ABCA1: variants seen among roughly 807,000 people sequenced by gnomAD.
ABCA1 encodes the protein phospholipid-transporting ATPase ABCA1.
ABCA1 carries 133 observed loss-of-function variants against 262.5 expected under a neutral mutation model. That is an observed-to-expected ratio of 0.51 (90% confidence interval 0.44 to 0.59). ABCA1 has a LOEUF of 0.59. Ranked by LOEUF, ABCA1 falls within the 20% of genes least tolerant of loss-of-function variation. ABCA1 has a pLI of 0.00. For missense variants in ABCA1, 2,452 were observed against 2,777.5 expected (o/e 0.88, Z 2.63); for synonymous variants, 1,022 against 1,043.5 (o/e 0.98, Z 0.40).
intron 1 of ABCA1, among the ~76,000 whole-genome samples, chr9:104,915,546 A>C (rs1841793364): frequency 6.6e-6 from 1 of 152,206 alleles, no homozygotes; most frequent in Admixed American, 6.5e-5. Flanking sequence ...TGACTACATG[A>C]ACTCTATTAT....
chr9:104,804,546 G>A (rs1253239560), intron 32 of ABCA1, 80 bp downstream of exon 32: 2 of 1,140,704 alleles, frequency 1.8e-6, no homozygotes, highest in African/African-American at 1.5e-5. Flanking sequence ...TTCCCCCACT[G>A]TTTCAGTCTG....
rs922111275 is a variant in ABCA1 at position 104,876,215 on chromosome 9, C to T, written c.421+6824G>A. 3.3e-5 allele frequency among the ~76,000 whole-genome samples: 5 copies of T among 152,274 alleles called. 1 individual carries two copies. The South Asian group carries it at 1.0e-3, about 32-fold the overall frequency. On this transcript the variant is annotated intron_variant, in intron 5 of 49. Coordinates refer to ENST00000374736, the MANE Select transcript of ABCA1 (RefSeq NM_005502.4). The stretch of plus-strand genomic sequence containing the variant: ...ACAAGTCTAGGAATTGTTTCCAGAC[C>T]AGCATAAGCAATGGCAAGGCTGAGG...
chr9:104,866,718 C>T (rs949674832), intron 5 of ABCA1, among the ~76,000 whole-genome samples: 3 of 152,168 alleles, frequency 2.0e-5, no homozygotes, highest in Non-Finnish European at 4.4e-5. Context: ...GAACTCCTGA[C>T]CTCAGGTGAT....
chr9:104,815,520 A>C (rs1428617086), intron 25 of ABCA1, among the ~76,000 whole-genome samples: 1 of 152,176 alleles, frequency 6.6e-6, no homozygotes, highest in African/African-American at 2.4e-5. Context: ...CAAACCCCTG[A>C]TTCTGAATCT....
chr9:104,811,601 A>C (rs1339747590), intron 28 of ABCA1, among the ~76,000 whole-genome samples: 1 of 152,216 alleles, frequency 6.6e-6, no homozygotes, highest in Non-Finnish European at 1.5e-5. Flanking sequence ...AGTTAACCCA[A>C]AACTCCTTCC....
rs1447576718 is a variant in ABCA1 at position 104,837,063 on chromosome 9, G to T, written c.1228C>A (p.His410Asn). The T allele has an allele frequency of 3.1e-6, 5 of 1,613,790 alleles. No individual in the cohort carries two copies. The highest frequency in any genetic ancestry group is 1.3e-5 in the African/African-American group (1 of 74,906). Reference protein sequence around the residue: ...NKTFQELAVFHDLEGMWEELS... With the variant: ...NKTFQELAVFNDLEGMWEELS... ...TCCTCCCACATGCCTTCCAGATCAT[G>T]GAACACAGCCAGTTCCTGGAAGGTC... is the stretch of plus-strand genomic sequence containing the variant. The change falls in exon 11 of 50, where the codon CAT becomes AAT. Residue 410 changes from histidine (H) to asparagine (N), a missense_variant. His to Asn is a moderately conservative substitution (Grantham distance 68). Transcript: ENST00000374736.
At chr9:104,915,920 C>A (rs1051957698) in intron 1 of ABCA1, among the ~76,000 whole-genome samples, 9 of 152,090 alleles carry the variant, frequency 5.9e-5, no homozygotes, top group Admixed American at 3.9e-4. Flanking sequence ...GGTCAGAGTG[C>A]CATGCCCTTC....
In ABCA1 at chr9:104,858,596, C is replaced by T. The variant is rs1397258040; in HGVS notation, c.646G>A (p.Gly216Ser). Reference sequence around the variant, plus strand: ...GCAGCCAGTTTCTCCCTTGGTAGGCCACAAAGCTCAGAAACTTCTTGGTCA... The same window carrying T: ...GCAGCCAGTTTCTCCCTTGGTAGGCTACAAAGCTCAGAAACTTCTTGGTCA... ...LGDQEVSELC[G>S]LPREKLAAAE... The change falls in exon 7 of 50, where the codon GGC becomes AGC. Residue 216 changes from glycine to serine, a missense_variant. Coordinates refer to ENST00000374736, the MANE Select transcript of ABCA1 (RefSeq NM_005502.4). 1 of 1,614,180 alleles carries T rather than the reference C, an allele frequency of 6.2e-7. No individual in the cohort carries two copies. Among genetic ancestry groups the T allele is most frequent in the Admixed American group, 1.7e-5 (1 of 60,014 alleles).
rs1397253857 is a variant in ABCA1, at chr9:104,819,794, G to A, written c.3104-71C>T. 63 of 1,612,390 alleles carry A rather than the reference G, an allele frequency of 3.9e-5. 1 individual carries two copies. The Middle Eastern group carries it at 1.7e-3, about 44-fold the overall frequency. On this transcript the variant is annotated intron_variant, in intron 21 of 49. Coordinates refer to ENST00000374736, the MANE Select transcript of ABCA1 (RefSeq NM_005502.4). ...AGTGAGTGAAGGCAGAGGACCTAGG[G>A]GCACAGCCAGGGACAAGTTTCTGTT...
chr9:104,797,800 G>A (rs1335684018), intron 37 of ABCA1, among the ~76,000 whole-genome samples: 3 of 152,074 alleles, frequency 2.0e-5, no homozygotes, highest in African/African-American at 7.2e-5. Context: ...AAATATCCAG[G>A]GACTTGTTCG....
chr9:104,855,890 A>G, intron 7 of ABCA1: 1 of 1,612,902 alleles, frequency 6.2e-7, no homozygotes. Flanking sequence ...GGAAACAGGG[A>G]AACACTCACG....
chr9:104,913,814 T>C (rs1841648480), intron 1 of ABCA1, among the ~76,000 whole-genome samples: 1 of 152,152 alleles, frequency 6.6e-6, no homozygotes, highest in South Asian at 2.1e-4. Context: ...TTTATTTATT[T>C]AGATGGAGTC....
At chr9:104,911,269 A>G (rs1168799460) in intron 1 of ABCA1, among the ~76,000 whole-genome samples, 1 of 152,206 alleles carries the variant, frequency 6.6e-6, no homozygotes, top group Non-Finnish European at 1.5e-5. Context: ...CCTCATCTCC[A>G]GAGAGATGCA....
At chr9:104,891,677 G>A (rs915721988) in intron 2 of ABCA1, among the ~76,000 whole-genome samples, 7 of 150,650 alleles carry the variant, frequency 4.6e-5, no homozygotes, top group Admixed American at 3.3e-4. Flanking sequence ...TGATAAGAAC[G>A]TAGGTGTGGC....
At chr9:104,797,167 C>T (rs1362415943) in intron 37 of ABCA1, among the ~76,000 whole-genome samples, 1 of 152,180 alleles carries the variant, frequency 6.6e-6, no homozygotes, top group Non-Finnish European at 1.5e-5. Context: ...CCCAGGAAGA[C>T]AAGAGATGGG....
At chr9:104,861,901 T>G in intron 5 of ABCA1, 101 bp from the exon 6 acceptor site, 1 of 1,075,492 alleles carries the variant, frequency 9.3e-7, no homozygotes, top group Non-Finnish European at 1.4e-6. Flanking sequence ...ATAATATTGA[T>G]GATCAACAGT....
At chr9:104,886,225 C>T (rs1373738832) in intron 3 of ABCA1, among the ~76,000 whole-genome samples, 1 of 152,208 alleles carries the variant, frequency 6.6e-6, no homozygotes, top group African/African-American at 2.4e-5. Flanking sequence ...CACCTCCCTC[C>T]AAAGTGGGAA....
Position 104,822,644 on chromosome 9 carries a change from G to A in ABCA1, c.2680C>T (p.His894Tyr). ...TGAATGGACACGCCCAGCTTCAAGTGGGTGGGTTCCTCCTCCATGCAGACT... is the reference window on the plus strand; with the variant it reads ...TGAATGGACACGCCCAGCTTCAAGTAGGTGGGTTCCTCCTCCATGCAGACT... The part of the protein sequence containing the change: ...SEICMEEEPT[H>Y]LKLGVSIQNL... The change falls in exon 19 of 50, where the codon CAC becomes TAC. Residue 894 changes from histidine to tyrosine, a missense_variant. Physicochemically the swap from His to Tyr is moderately conservative, Grantham distance 83. Coordinates refer to ENST00000374736, the MANE Select transcript of ABCA1 (RefSeq NM_005502.4). 6.2e-7 allele frequency: 1 copy of A among 1,614,084 alleles called. No homozygotes were observed. The highest frequency in any genetic ancestry group is 1.1e-5 in the South Asian group (1 of 91,070).
chr9:104,837,596 A>G, intron 9 of ABCA1, 29 bp from the exon 10 acceptor site: 1 of 1,612,680 alleles, frequency 6.2e-7, no homozygotes, highest in Admixed American at 1.7e-5. Flanking sequence ...ACAAATGCTC[A>G]TATGCATGGT....
Sources: allele counts gnomAD v4.1 joint callset (sites outside exome capture counted in the v4.1 genomes callset), GRCh38; gene constraint gnomAD v4.1.1; transcripts MANE v1.5; gene names NCBI Gene and HGNC (gene_info 2026-07-23, HGNC 2026-07-21).